The following ERC1 variants were observed in gnomAD, a reference collection of about 807,000 sequenced individuals.
ERC1 encodes the protein RAB6 interacting protein 2.
ERC1 carries 56 observed loss-of-function variants against 132.0 expected under a neutral mutation model. The ratio of observed to expected loss-of-function variants is 0.42; its 90% confidence interval spans 0.34 to 0.53. The LOEUF (loss-of-function observed/expected upper bound fraction) is 0.53, where lower values mean the gene tolerates loss of function less well. Ranked by LOEUF, ERC1 falls within the 20% of genes least tolerant of loss-of-function variation. The pLI is 0.03. For missense variants in ERC1, 1,202 were observed against 1,349.9 expected (o/e 0.89, Z 1.72); for synonymous variants, 478 against 476.1 (o/e 1.00, Z -0.05).
At chr12:1,460,639 A>G (rs1373718478) in intron 18 of ERC1, among the ~76,000 whole-genome samples, 1 of 152,086 alleles carries the variant, frequency 6.6e-6, no homozygotes, top group Non-Finnish European at 1.5e-5. Context: ...AGTCCTTTTG[A>G]CTGGAGAGAA....
Position 1,383,353 on chromosome 12 carries a change from G to A in ERC1, c.2925+11376G>A, listed in dbSNP as rs117192429. On this transcript the variant is annotated intron_variant, in intron 16 of 18. Transcript: ENST00000360905. ...TGTAAAACTAGAAAGATTAGTTTGA[G>A]GGTCGTTCCCTCCTCCGTTAAACTT... 3.5e-3 allele frequency among the ~76,000 whole-genome samples: 537 copies of A among 152,138 alleles called. 2 individuals carry two copies. Among genetic ancestry groups the A allele is most frequent in the Middle Eastern group, 6.8e-3 (2 of 294 alleles).
chr12:1,471,899 G>A (rs576277258), intron 18 of ERC1, among the ~76,000 whole-genome samples: 3 of 152,302 alleles, frequency 2.0e-5, no homozygotes, highest in Admixed American at 6.5e-5. Flanking sequence ...CTGGCCAGGC[G>A]TGATAGATAC....
intron 15 of ERC1, among the ~76,000 whole-genome samples, chr12:1,369,348 T>C (rs376421037): frequency 2.0e-5 from 3 of 152,246 alleles, no homozygotes; most frequent in East Asian, 3.8e-4. Flanking sequence ...GAATTATTTT[T>C]ACTATGTCAT....
intron 7 of ERC1, among the ~76,000 whole-genome samples, chr12:1,132,507 G>A (rs1248733701): frequency 6.6e-6 from 1 of 152,158 alleles, no homozygotes; most frequent in African/African-American, 2.4e-5. Context: ...TGTCCGGTCA[G>A]CATTGACATG....
At chr12:1,179,267 G>A (rs1481668129) in intron 8 of ERC1, among the ~76,000 whole-genome samples, 1 of 152,060 alleles carries the variant, frequency 6.6e-6, no homozygotes, top group African/African-American at 2.4e-5. Flanking sequence ...TTCATTGAAA[G>A]ATCAGATCCT....
intron 15 of ERC1, among the ~76,000 whole-genome samples, chr12:1,304,066 C>T (rs1311029078): frequency 6.6e-6 from 1 of 150,814 alleles, no homozygotes; most frequent in Admixed American, 6.6e-5. Context: ...TTCTTTTTAA[C>T]CTATTTAGGG....
chr12:1,296,363 T>G (rs531700747), intron 15 of ERC1, among the ~76,000 whole-genome samples: 1 of 150,484 alleles, frequency 6.6e-6, no homozygotes, highest in African/African-American at 2.4e-5. Flanking sequence ...AATGGAAATT[T>G]GATAATTGAA....
At chr12:1,289,237 A>G (rs1483729428) in intron 14 of ERC1, among the ~76,000 whole-genome samples, 1 of 148,986 alleles carries the variant, frequency 6.7e-6, no homozygotes, top group Non-Finnish European at 1.5e-5. Flanking sequence ...AGGTATATAT[A>G]TGCCTGTATA....
At chr12:1,302,486 AAAG>A (rs781444633) in intron 15 of ERC1, among the ~76,000 whole-genome samples, 7 of 152,226 alleles carry the variant, frequency 4.6e-5, no homozygotes, top group Non-Finnish European at 8.8e-5. Flanking sequence ...TAATGCAAGA[AAAG>A]AAGGAGGGAA....
intron 18 of ERC1, among the ~76,000 whole-genome samples, chr12:1,454,916 A>G (rs2093498240): frequency 6.6e-6 from 1 of 152,244 alleles, no homozygotes; most frequent in Non-Finnish European, 1.5e-5. Flanking sequence ...AAGAAAACAT[A>G]TTCTTGACAT....
chr12:1,249,738 AC>A (rs1443406696), intron 13 of ERC1, among the ~76,000 whole-genome samples: 2 of 152,206 alleles, frequency 1.3e-5, no homozygotes, highest in Admixed American at 6.5e-5. Flanking sequence ...TAGCTTATAA[AC>A]AACAGAAATT....
At chr12:1,463,798 C>G in intron 18 of ERC1, among the ~76,000 whole-genome samples, 1 of 151,428 alleles carries the variant, frequency 6.6e-6, no homozygotes, top group East Asian at 1.9e-4. Flanking sequence ...CACAGTCTGG[C>G]ACTTTCTTCT....
intron 17 of ERC1, among the ~76,000 whole-genome samples, chr12:1,419,523 GA>G (rs910799691): frequency 6.0e-5 from 8 of 133,994 alleles, no homozygotes; most frequent in South Asian, 4.8e-4. Context: ...TTCTTGAGAA[GA>G]AAAAAAAAAG....
chr12:1,251,641 T>G (rs1036589025), intron 13 of ERC1, among the ~76,000 whole-genome samples: 4 of 152,192 alleles, frequency 2.6e-5, no homozygotes, highest in Admixed American at 6.5e-5. Flanking sequence ...TATCTCAAAC[T>G]GGGCCACTTT....
chr12:1,241,414 T>C (rs1337892122), intron 13 of ERC1, among the ~76,000 whole-genome samples: 1 of 152,234 alleles, frequency 6.6e-6, no homozygotes, highest in Non-Finnish European at 1.5e-5. Flanking sequence ...GATTGTTACA[T>C]ATTTTTTCTT....
At chr12:1,317,876 G>C (rs1171318810) in intron 15 of ERC1, among the ~76,000 whole-genome samples, 2 of 152,106 alleles carry the variant, frequency 1.3e-5, no homozygotes, top group East Asian at 3.8e-4. Context: ...TAGCAGACTT[G>C]AGTGTCACAT....
intron 16 of ERC1, among the ~76,000 whole-genome samples, chr12:1,374,284 G>A (rs1392774308): frequency 2.0e-5 from 3 of 152,192 alleles, no homozygotes; most frequent in African/African-American, 7.2e-5. Context: ...GTTCACATGT[G>A]ATTCCTATTG....
intron 2 of ERC1, among the ~76,000 whole-genome samples, chr12:1,076,397 CTTTTTTT>C (rs71293129): frequency 7.6e-6 from 1 of 131,028 alleles, no homozygotes; most frequent in Non-Finnish European, 1.6e-5. Flanking sequence ...TTTTCTTTTT[CTTTTTTT>C]TTTTTTTGGA....
At chr12:1,279,395 T>C (rs925017831) in intron 14 of ERC1, among the ~76,000 whole-genome samples, 1 of 152,184 alleles carries the variant, frequency 6.6e-6, no homozygotes, top group African/African-American at 2.4e-5. Context: ...GTTATCTTAG[T>C]TTCTTCCTCT....
Sources: gnomAD v4.1 joint callset for allele counts (sites outside exome capture counted in the v4.1 genomes callset) on GRCh38, gnomAD v4.1.1 for gene constraint, MANE v1.5 for transcripts, NCBI Gene and HGNC (gene_info 2026-07-23, HGNC 2026-07-21) for gene names.